The following MGLL variants were observed in gnomAD, a reference collection of about 807,000 sequenced individuals.
The protein encoded by MGLL is lysophospholipase homolog.
A neutral mutation model predicts 29.1 loss-of-function variants in MGLL; 7 were observed. The observed-to-expected ratio is 0.24, with a 90% CI of 0.14 to 0.45. The LOEUF (loss-of-function observed/expected upper bound fraction) is 0.45, where lower values mean the gene tolerates loss of function less well. Among genes scored for constraint, MGLL ranks in the 20% least tolerant of loss-of-function variants. MGLL has a pLI of 0.99. For synonymous variants in MGLL, 148 were observed against 168.3 expected (o/e 0.88, Z 0.93); for missense variants, 356 against 413.6 (o/e 0.86, Z 1.21).
intron 6 of MGLL, among the ~76,000 whole-genome samples, chr3:127,705,782 A>G (rs1238787345): frequency 6.6e-6 from 1 of 151,588 alleles, no homozygotes; most frequent in Non-Finnish European, 1.5e-5. Context: ...ATCTCAAAAA[A>G]AAAAAAAAAG....
intron 2 of MGLL, among the ~76,000 whole-genome samples, chr3:127,789,280 C>T (rs1353526540): frequency 6.6e-6 from 1 of 152,182 alleles, no homozygotes; most frequent in Non-Finnish European, 1.5e-5. Flanking sequence ...GGCTCAGCTT[C>T]AGGAGCCCTG....
intron 3 of MGLL, among the ~76,000 whole-genome samples, chr3:127,749,738 C>G (rs758360174): frequency 6.6e-6 from 1 of 152,108 alleles, no homozygotes; most frequent in Admixed American, 6.5e-5. Context: ...AAATCTAAAG[C>G]GAGTCTGACC....
intron 2 of MGLL, among the ~76,000 whole-genome samples, chr3:127,799,627 T>G (rs2077442648): frequency 6.6e-6 from 1 of 152,170 alleles, no homozygotes; most frequent in Non-Finnish European, 1.5e-5. Context: ...ACCAGTCAAC[T>G]CTCTTTCCTC....
chr3:127,746,301 G>A (rs1327435214), intron 3 of MGLL, among the ~76,000 whole-genome samples: 1 of 152,130 alleles, frequency 6.6e-6, no homozygotes, highest in Non-Finnish European at 1.5e-5. Flanking sequence ...ATTTCTGGCT[G>A]CCTTCAAGCT....
At chr3:127,785,154 C>A (rs915889314) in intron 2 of MGLL, among the ~76,000 whole-genome samples, 5 of 152,158 alleles carry the variant, frequency 3.3e-5, no homozygotes, top group African/African-American at 4.8e-5. Context: ...TTCACCTCAC[C>A]CCCTGTGAGC....
At chr3:127,756,375 CCA>C (rs1195407243) in intron 3 of MGLL, among the ~76,000 whole-genome samples, 2 of 152,112 alleles carry the variant, frequency 1.3e-5, no homozygotes, top group Admixed American at 6.5e-5. Context: ...GGTCCAGAGC[CCA>C]CACCTCCACT....
chr3:127,698,188 T>C (rs1466250047), intron 6 of MGLL, among the ~76,000 whole-genome samples: 1 of 152,094 alleles, frequency 6.6e-6, no homozygotes, highest in Non-Finnish European at 1.5e-5. Flanking sequence ...GCCCCTGATG[T>C]GAACCACAGC....
rs753742331 is a variant in MGLL at position 127,692,328 on chromosome 3, A to C, written c.817-5T>G. On this transcript the variant is annotated splice_region_variant and splice_polypyrimidine_tract_variant and intron_variant, in intron 7 of 7. Transcript: ENST00000265052. ...ATGGTAGGCACCTTCATAAATCTGCAATGAGGAGAGACACGGAATCAGAGC... is the reference window on the plus strand; with the variant it reads ...ATGGTAGGCACCTTCATAAATCTGCCATGAGGAGAGACACGGAATCAGAGC... The C allele has an allele frequency of 8.7e-6, 14 of 1,613,978 alleles. No homozygotes were observed. The South Asian group carries it at 1.4e-4, about 16-fold the overall frequency.
At chr3:127,719,164 C>T (rs1263231193) in intron 5 of MGLL, among the ~76,000 whole-genome samples, 1 of 152,212 alleles carries the variant, frequency 6.6e-6, no homozygotes, top group Admixed American at 6.5e-5. Context: ...GTGGCCTTGC[C>T]CAGAAGTGCC....
At chr3:127,740,564 C>T (rs185870127) in intron 3 of MGLL, among the ~76,000 whole-genome samples, 9 of 152,158 alleles carry the variant, frequency 5.9e-5, no homozygotes, top group African/African-American at 1.7e-4. Flanking sequence ...AGGGGCTCTG[C>T]GGGGGCCCTG....
At chr3:127,815,074 G>C (rs552089781) in intron 2 of MGLL, among the ~76,000 whole-genome samples, 36 of 152,168 alleles carry the variant, frequency 2.4e-4, no homozygotes, top group South Asian at 1.7e-3. Context: ...TTTCCTCCTT[G>C]TGGGGAGAGG....
At chr3:127,738,216 G>A (rs1052648368) in intron 3 of MGLL, among the ~76,000 whole-genome samples, 1 of 151,714 alleles carries the variant, frequency 6.6e-6, no homozygotes, top group African/African-American at 2.4e-5. Context: ...CAGGAGGATC[G>A]CTTGAGCCCG....
chr3:127,736,108 T>C lies in MGLL; in HGVS notation c.263-13542A>G, dbSNP rs1453848020. On this transcript the variant is annotated intron_variant, in intron 3 of 7. Transcript: ENST00000265052. ...AGTTCCCAAACAGTGCTAGTTCCATTGTTTGGAGCTCAGGGTCAGTCAAAC... is the reference window on the plus strand; with the variant it reads ...AGTTCCCAAACAGTGCTAGTTCCATCGTTTGGAGCTCAGGGTCAGTCAAAC... 3.4e-6 allele frequency: 4 copies of C among 1,168,300 alleles called. No individual in the cohort carries two copies. In the African/African-American group the frequency reaches 6.3e-5, roughly 18 times the overall value. The allele number at this position is 1,168,300 out of a possible 1,614,324, so 72.4% of individuals were successfully genotyped here.
intron 6 of MGLL, among the ~76,000 whole-genome samples, chr3:127,698,986 C>G (rs2075425442): frequency 6.6e-6 from 1 of 152,238 alleles, no homozygotes; most frequent in African/African-American, 2.4e-5. Context: ...TGACCACCCC[C>G]ACCATGGCTC....
intron 3 of MGLL, among the ~76,000 whole-genome samples, chr3:127,748,982 T>A (rs2076505491): frequency 6.6e-6 from 1 of 152,126 alleles, no homozygotes; most frequent in Non-Finnish European, 1.5e-5. Context: ...AGATAGCACC[T>A]CCTCTGTGCA....
At position 127,761,895 on chromosome 3, in the gene MGLL, A is replaced by G. The variant is rs1329087654; in HGVS notation, c.262+19894T>C. ...AGTTGTGACTGCATCTGAGGATCCC[A>G]TGCAAGGTTTGGGTCCTCTGTTTGC... On this transcript the variant is annotated intron_variant, in intron 3 of 7. Transcript: ENST00000265052. This position sits in a 1 kb window ranked among gnomAD's most constrained non-coding sequence, Gnocchi z 4.6. Among the ~76,000 whole-genome samples, 2 of 152,154 alleles carry G rather than the reference A, an allele frequency of 1.3e-5. No individual in the cohort carries two copies. The highest frequency in any genetic ancestry group is 6.5e-5 in the Admixed American group (1 of 15,280).
intron 6 of MGLL, among the ~76,000 whole-genome samples, chr3:127,697,925 G>T (rs757701362): frequency 2.0e-5 from 3 of 152,128 alleles, no homozygotes; most frequent in Non-Finnish European, 2.9e-5. Flanking sequence ...CCACACCCTC[G>T]CCCCTGTTGC....
At chr3:127,822,949 A>G (rs1042364424), upstream of MGLL, 8 of 155,078 alleles carry the variant, frequency 5.2e-5, no homozygotes, top group East Asian at 3.9e-4. Context: ...ACACGCGCGC[A>G]CACACACCGT....
chr3:127,773,325 C>T (rs2076979554), intron 3 of MGLL, among the ~76,000 whole-genome samples: 1 of 152,240 alleles, frequency 6.6e-6, no homozygotes, highest in Admixed American at 6.5e-5. Flanking sequence ...GCCATGCCAC[C>T]TTGGGCAGGC....
Sources: allele counts gnomAD v4.1 joint callset (sites outside exome capture counted in the v4.1 genomes callset), GRCh38; gene constraint gnomAD v4.1.1; non-coding constraint Gnocchi (gnomAD v3.1); transcripts MANE v1.5; gene names NCBI Gene and HGNC (gene_info 2026-07-23, HGNC 2026-07-21).